The following CDK15 variants were observed in gnomAD, a reference collection of about 807,000 sequenced individuals.
The protein encoded by CDK15 is cyclin-dependent kinase 15.
In CDK15, 62 loss-of-function variants were observed where a neutral mutation model predicts 60.3. The observed-to-expected ratio is 1.03, with a 90% confidence interval of 0.84 to 1.27. The LOEUF is 1.27. Ranked by LOEUF, CDK15 falls within the 50% of genes most tolerant of loss-of-function variation. The pLI is 0.00. For synonymous variants in CDK15, 194 were observed against 195.7 expected (o/e 0.99, Z 0.07); for missense variants, 541 against 527.8 (o/e 1.03, Z -0.25).
intron 8 of CDK15, among the ~76,000 whole-genome samples, chr2:201,841,285 G>A (rs907494175): frequency 6.6e-6 from 1 of 152,120 alleles, no homozygotes; most frequent in African/African-American, 2.4e-5. Flanking sequence ...TTAACCATGA[G>A]CAACAATGAC....
chr2:201,889,746 G>A (rs1293179107), intron 12 of CDK15, among the ~76,000 whole-genome samples: 1 of 151,768 alleles, frequency 6.6e-6, no homozygotes, highest in Admixed American at 6.6e-5. Context: ...TTGCACCTTA[G>A]AGTCTATATA....
chr2:201,814,882 C>T (rs1329603829), intron 4 of CDK15, among the ~76,000 whole-genome samples: 1 of 151,762 alleles, frequency 6.6e-6, no homozygotes, highest in African/African-American at 2.4e-5. Flanking sequence ...ATTTGGAGTA[C>T]TATTTTCATT....
intron 9 of CDK15, among the ~76,000 whole-genome samples, chr2:201,847,954 A>C (rs183644531): frequency 1.3e-5 from 2 of 152,116 alleles, no homozygotes; most frequent in Non-Finnish European, 2.9e-5. Flanking sequence ...AACATGGCGA[A>C]ACCCCATCCC....
At chr2:201,875,003 A>G (rs1395786822) in intron 11 of CDK15, among the ~76,000 whole-genome samples, 1 of 152,168 alleles carries the variant, frequency 6.6e-6, no homozygotes, top group Non-Finnish European at 1.5e-5. Context: ...TTTTATACTC[A>G]GAGCCAGGCT....
intron 9 of CDK15, among the ~76,000 whole-genome samples, chr2:201,852,890 G>A (rs1319909966): frequency 1.3e-5 from 2 of 152,136 alleles, no homozygotes; most frequent in Non-Finnish European, 2.9e-5. Context: ...ACTTTTTTTA[G>A]TATCCATTTT....
At chr2:201,868,943 A>C (rs1273053056) in intron 10 of CDK15, among the ~76,000 whole-genome samples, 1 of 152,238 alleles carries the variant, frequency 6.6e-6, no homozygotes, top group African/African-American at 2.4e-5. Flanking sequence ...AGTGTAAACT[A>C]GTTCAACCAT....
intron 12 of CDK15, among the ~76,000 whole-genome samples, chr2:201,887,189 TGATC>T (rs1699480806): frequency 1.3e-5 from 2 of 152,240 alleles, no homozygotes; most frequent in African/African-American, 4.8e-5. Flanking sequence ...CCATTTTAAA[TGATC>T]ATTAATAGAA....
intron 9 of CDK15, 65 bp from the exon 10 acceptor site, chr2:201,854,809 A>G: frequency 2.8e-6 from 4 of 1,406,984 alleles, no homozygotes; most frequent in Middle Eastern, 1.9e-4. Flanking sequence ...GCATGTCTCC[A>G]TACCTCTTCC....
chr2:201,873,981 G>A (rs561508680), intron 11 of CDK15, among the ~76,000 whole-genome samples: 13 of 151,460 alleles, frequency 8.6e-5, no homozygotes, highest in Admixed American at 2.0e-4. Flanking sequence ...TTGAACCCGG[G>A]AGGCGGAGGT....
chr2:201,890,853 C>T lies in CDK15; in HGVS notation c.1267C>T (p.Gln423Ter). 6.2e-7 allele frequency: 1 copy of T among 1,613,780 alleles called. No homozygotes were observed. Among genetic ancestry groups the T allele is most frequent in the Non-Finnish European group, 8.5e-7 (1 of 1,179,818 alleles). Residue 423 changes from glutamine (Q) to a stop codon, truncating the protein, a stop_gained, in exon 13 of 14, where the codon CAG becomes TAG. Coordinates refer to ENST00000652192, the MANE Select transcript of CDK15 (RefSeq NM_001366386.2). LOFTEE classifies it high-confidence loss of function. Reference sequence around the variant, plus strand: ...AATGTGTGACCTTTTGGCCTCCTACCAGAAAGGTCACCACCCAGCCCAGTT... The same window carrying T: ...AATGTGTGACCTTTTGGCCTCCTACTAGAAAGGTCACCACCCAGCCCAGTT... ...PEMCDLLASY[Q>*]KGHHPAQFSK...
At chr2:201,858,358 T>G (rs1214256493) in intron 10 of CDK15, among the ~76,000 whole-genome samples, 2 of 132,686 alleles carry the variant, frequency 1.5e-5, no homozygotes, top group Non-Finnish European at 3.2e-5. Flanking sequence ...CCTCCCTTCC[T>G]TCCTTCCCTT....
intron 11 of CDK15, among the ~76,000 whole-genome samples, chr2:201,878,048 C>G (rs1699145415): frequency 1.3e-5 from 2 of 152,162 alleles, no homozygotes; most frequent in South Asian, 4.1e-4. Context: ...CCATCTATGT[C>G]TGCTTAATTG....
chr2:201,865,715 C>T (rs946313176), intron 10 of CDK15, among the ~76,000 whole-genome samples: 3 of 151,758 alleles, frequency 2.0e-5, no homozygotes, highest in Non-Finnish European at 2.9e-5. Flanking sequence ...CATGATGAAA[C>T]CCCATCTCTA....
intron 3 of CDK15, among the ~76,000 whole-genome samples, chr2:201,812,190 AAC>A (rs1695804911): frequency 2.7e-5 from 4 of 145,876 alleles, no homozygotes; most frequent in African/African-American, 1.0e-4. Context: ...AAAAAAAAAA[AAC>A]AAAAAAACAA....
At chr2:201,864,691 G>A (rs1698543776) in intron 10 of CDK15, among the ~76,000 whole-genome samples, 1 of 152,196 alleles carries the variant, frequency 6.6e-6, no homozygotes, top group Non-Finnish European at 1.5e-5. Context: ...ATGAGCCACT[G>A]TGCCCGGCCA....
At chr2:201,881,093 G>C (rs932339597) in intron 12 of CDK15, among the ~76,000 whole-genome samples, 4 of 152,098 alleles carry the variant, frequency 2.6e-5, no homozygotes, top group African/African-American at 9.7e-5. Flanking sequence ...TGGCGATGGG[G>C]TGCAGTGAGA....
intron 12 of CDK15, 57 bp from the exon 13 acceptor site, chr2:201,890,728 A>T: frequency 7.4e-7 from 1 of 1,358,944 alleles, no homozygotes. Flanking sequence ...ACAAAAATAT[A>T]CCACAGAAGA....
At chr2:201,842,176 C>T (rs756675242) in intron 8 of CDK15, among the ~76,000 whole-genome samples, 16 of 152,284 alleles carry the variant, frequency 1.1e-4, no homozygotes, top group South Asian at 2.1e-4. Context: ...CTGGTAACCA[C>T]GATTCTGCTT....
At chr2:201,887,005 A>C (rs1699473565) in intron 12 of CDK15, among the ~76,000 whole-genome samples, 1 of 152,206 alleles carries the variant, frequency 6.6e-6, no homozygotes, top group South Asian at 2.1e-4. Context: ...TATCCAAAGA[A>C]ATAATTGAAT....
Sources: allele counts gnomAD v4.1 joint callset (sites outside exome capture counted in the v4.1 genomes callset), GRCh38; gene constraint gnomAD v4.1.1; transcripts MANE v1.5; gene names NCBI Gene and HGNC (gene_info 2026-07-23, HGNC 2026-07-21).